The following ZNF775 variants were observed in gnomAD, a reference collection of about 807,000 sequenced individuals.
The protein encoded by ZNF775 is zinc finger protein 775.
A neutral mutation model predicts 2.4 loss-of-function variants in ZNF775; 1 was observed. The ratio of observed to expected loss-of-function variants is 0.41; its 90% CI spans 0.15 to 1.94. The LOEUF (loss-of-function observed/expected upper bound fraction) is 1.94, where lower values mean the gene tolerates loss of function less well. Ranked by LOEUF, ZNF775 falls within the 30% of genes most tolerant of loss-of-function variation. The pLI, the probability that ZNF775 is intolerant of heterozygous loss-of-function variation, is 0.30. For missense variants in ZNF775, 823 were observed against 826.6 expected (o/e 1.00, Z 0.05); for synonymous variants, 381 against 373.3 (o/e 1.02, Z -0.24).
chr7:150,389,699 G>A (rs1021561670), intron 2 of ZNF775, among the ~76,000 whole-genome samples: 2 of 152,180 alleles, frequency 1.3e-5, no homozygotes. Flanking sequence ...GAACCCTGTG[G>A]TTTTAGAGAA....
intron 1 of ZNF775, among the ~76,000 whole-genome samples, chr7:150,383,487 G>A (rs1196588269): frequency 6.6e-6 from 1 of 152,214 alleles, no homozygotes; most frequent in African/African-American, 2.4e-5. Context: ...TAGCAGTCAG[G>A]TATGGGCTGC....
Position 150,398,058 on chromosome 7 carries a change from C to T in ZNF775, c.1577C>T (p.Ala526Val), listed in dbSNP as rs1467598150. ...CTCAAGCACCAGCGCGTGCACCGCG[C>T]GGCCCCTGCGTGCAGCCCCAAGGAG... ...HLLKHQRVHR[A>V]APACSPKEEA... The change falls in exon 3 of 3, where the codon GCG becomes GTG. Residue 526 changes from alanine to valine, a missense_variant. Ala to Val is a moderately conservative substitution (Grantham distance 64, BLOSUM62 0). Coordinates refer to ENST00000329630, the MANE Select transcript of ZNF775 (RefSeq NM_173680.4). 2 of 1,564,182 alleles carry T rather than the reference C, an allele frequency of 1.3e-6. No homozygotes were observed. The highest frequency in any genetic ancestry group is 1.3e-5 in the African/African-American group (1 of 74,106).
intron 2 of ZNF775, among the ~76,000 whole-genome samples, chr7:150,389,230 G>A (rs912495845): frequency 1.3e-5 from 2 of 152,198 alleles, no homozygotes; most frequent in Admixed American, 6.5e-5. Context: ...GGCACAGTGT[G>A]ACTCGGGTTT....
Position 150,396,990 on chromosome 7 carries a change from G to A in ZNF775, c.509G>A (p.Arg170Gln). The A allele has an allele frequency of 6.3e-7, 1 of 1,598,952 alleles. No homozygotes were observed. Among genetic ancestry groups the A allele is most frequent in the Non-Finnish European group, 8.5e-7 (1 of 1,178,886 alleles). ...CCCTTCTGCTGCCCCGAGTGCGCGC[G>A]GCGCTTCAGCCAGAAGCAGCACCTG... ...ERPFCCPECA[R>Q]RFSQKQHLLK... is the part of the protein sequence containing the mutation. The change falls in exon 3 of 3, where the codon CGG becomes CAG. Residue 170 changes from arginine (R) to glutamine (Q), a missense_variant. By Grantham distance (43) the Arg-to-Gln change is conservative. Coordinates refer to ENST00000329630, the MANE Select transcript of ZNF775 (RefSeq NM_173680.4).
chr7:150,386,980 G>A (rs1369697591), intron 1 of ZNF775, among the ~76,000 whole-genome samples: 2 of 152,134 alleles, frequency 1.3e-5, no homozygotes, highest in African/African-American at 4.8e-5. Context: ...AACGGGAGGT[G>A]GAGTTAGGCT....
In ZNF775 at chr7:150,397,649, G is replaced by A. The variant is rs1183468085; in HGVS notation, c.1168G>A (p.Val390Ile). ...ALRAHQRAHA[V>I]AEPAVPAGEP... The stretch of plus-strand genomic sequence containing the variant: ...GCGCGCCCACCAGCGCGCCCACGCT[G>A]TCGCTGAGCCCGCCGTTCCGGCCGG... Residue 390 changes from valine (V) to isoleucine (I), a missense_variant, in exon 3 of 3, where the codon GTC becomes ATC. Physicochemically the swap from Val to Ile is conservative, Grantham distance 29 (BLOSUM62 3). Coordinates refer to ENST00000329630, the MANE Select transcript of ZNF775 (RefSeq NM_173680.4). 5 of 1,323,710 alleles carry A rather than the reference G, an allele frequency of 3.8e-6. No homozygotes were observed. The African/African-American group carries it at 4.8e-5, about 13-fold the overall frequency. The allele number at this position is 1,323,710 out of a possible 1,614,324, so 82.0% of individuals were successfully genotyped here. A position where few individuals can be genotyped will look rare whatever the true frequency, so the allele number is the denominator to read the frequency against.
In ZNF775 at chr7:150,396,587, C is replaced by T. The variant is rs774103870; in HGVS notation, c.106C>T (p.Leu36Phe). Residue 36 changes from leucine to phenylalanine, a missense_variant, in exon 3 of 3, where the codon CTT (leucine) becomes TTT (phenylalanine). Physicochemically the swap from Leu to Phe is conservative, Grantham distance 22 (BLOSUM62 0). Transcript: ENST00000329630. ...GCAGACGCTGGCGCCGCAGGCCATG[C>T]TTGTGGAGAAGGACAAGGAGAACAT... ...LLQTLAPQAM[L>F]VEKDKENIFQ... 1.9e-6 allele frequency: 3 copies of T among 1,609,608 alleles called. No individual in the cohort carries two copies. The highest frequency in any genetic ancestry group is 2.5e-6 in the Non-Finnish European group (3 of 1,179,002).
Position 150,398,202 on chromosome 7 carries a change from G to A in ZNF775, c.*107G>A. Reference sequence around the variant, plus strand: ...TGGCTCTTAGAACCCCTTAGAGCGGGACCGGTGGATTCCTTAAGGCTCTGA... The same window carrying A: ...TGGCTCTTAGAACCCCTTAGAGCGGAACCGGTGGATTCCTTAAGGCTCTGA... On this transcript the variant is annotated 3_prime_UTR_variant, in exon 3 of 3. Coordinates refer to ENST00000329630, the MANE Select transcript of ZNF775 (RefSeq NM_173680.4). The A allele has an allele frequency of 6.8e-7, 1 of 1,466,788 alleles. No homozygotes were observed. The highest frequency in any genetic ancestry group is 2.5e-5 in the East Asian group (1 of 40,226). The allele number at this position is 1,466,788 out of a possible 1,614,324, so 90.9% of individuals were successfully genotyped here. A position where few individuals can be genotyped will look rare whatever the true frequency, so the allele number is the denominator to read the frequency against.
rs1434094118 is a variant in ZNF775 at position 150,396,643 on chromosome 7, C to T, written c.162C>T (p.Arg54=). 13 of 1,611,810 alleles carry T rather than the reference C, an allele frequency of 8.1e-6. No homozygotes were observed. The Admixed American group carries it at 1.8e-4, about 23-fold the overall frequency. Residue 54 remains arginine, a synonymous_variant, in exon 3 of 3, where the codon CGC becomes CGT. Coordinates refer to ENST00000329630, the MANE Select transcript of ZNF775 (RefSeq NM_173680.4). ...IFQQHRGLPP[R]QTMGRPRALG... The stretch of plus-strand genomic sequence containing the variant: ...AGCAGCACCGGGGCCTCCCGCCACG[C>T]CAGACCATGGGGCGGCCTCGAGCCC...
intron 1 of ZNF775, among the ~76,000 whole-genome samples, chr7:150,381,076 C>A (rs1444291643): frequency 1.3e-5 from 2 of 152,162 alleles, no homozygotes; most frequent in Non-Finnish European, 2.9e-5. Context: ...CCTCGGCCTT[C>A]AGCTCAGATG....
At chr7:150,381,215 A>G (rs1396395591) in intron 1 of ZNF775, among the ~76,000 whole-genome samples, 1 of 152,110 alleles carries the variant, frequency 6.6e-6, no homozygotes, top group East Asian at 1.9e-4. Flanking sequence ...TGGGTGGGAC[A>G]GTTCCAGCAA....
rs763263111 is a variant in ZNF775, at chr7:150,397,870, C to T, written c.1389C>T (p.Ile463=). 1 of 1,603,572 alleles carries T rather than the reference C, an allele frequency of 6.2e-7. No homozygotes were observed. The highest frequency in any genetic ancestry group is 1.7e-5 in the Admixed American group (1 of 59,782). ...TCTCGTGGTGGTCGGCGCTCACCAT[C>T]CACCAGCGCATCCACACGGGTGAGC... ...KSFSWWSALT[I]HQRIHTGERP... Residue 463 remains isoleucine, a synonymous_variant, in exon 3 of 3, where the codon ATC becomes ATT. Transcript: ENST00000329630.
In ZNF775 at chr7:150,384,107, G is replaced by A. The variant is rs1312044255; in HGVS notation, c.-49-4315G>A. On this transcript the variant is annotated intron_variant, in intron 1 of 2. Transcript: ENST00000329630. This position sits in a 1 kb window ranked among gnomAD's most constrained non-coding sequence, Gnocchi z 4.1. ...CCAGGCTGAGGCCTGCCCACTGTGA[G>A]GCTCTTAACTGAACTGCAGCCTGAC... Among the ~76,000 whole-genome samples, 3 of 152,206 alleles carry A rather than the reference G, an allele frequency of 2.0e-5. No homozygotes were observed. The highest frequency in any genetic ancestry group is 4.4e-5 in the Non-Finnish European group (3 of 68,030).
Position 150,397,656 on chromosome 7 carries a change from A to C in ZNF775, c.1175A>C (p.Glu392Ala). The C allele has an allele frequency of 7.6e-7, 1 of 1,320,400 alleles. No individual in the cohort carries two copies. The highest frequency in any genetic ancestry group is 9.6e-7 in the Non-Finnish European group (1 of 1,040,350). The allele number at this position is 1,320,400 out of a possible 1,614,324, so 81.8% of individuals were successfully genotyped here. A position where few individuals can be genotyped will look rare whatever the true frequency, so the allele number is the denominator to read the frequency against. Residue 392 changes from glutamate to alanine, a missense_variant, in exon 3 of 3, where the codon GAG (glutamate) becomes GCG (alanine). Transcript: ENST00000329630. ...CACCAGCGCGCCCACGCTGTCGCTG[A>C]GCCCGCCGTTCCGGCCGGGGAACCG... ...RAHQRAHAVA[E>A]PAVPAGEPGD...
At chr7:150,383,119 A>G (rs1042326431) in intron 1 of ZNF775, among the ~76,000 whole-genome samples, 1 of 152,122 alleles carries the variant, frequency 6.6e-6, no homozygotes, top group African/African-American at 2.4e-5. Context: ...TTGTTTACTT[A>G]GCTGTATTTA....
chr7:150,386,467 G>C (rs1800455730), intron 1 of ZNF775, among the ~76,000 whole-genome samples: 1 of 152,148 alleles, frequency 6.6e-6, no homozygotes, highest in South Asian at 2.1e-4. Context: ...TCTCTTGTCA[G>C]GGTCCAGATT....
intron 1 of ZNF775, among the ~76,000 whole-genome samples, chr7:150,385,534 A>T (rs1482063675): frequency 6.7e-6 from 1 of 149,608 alleles, no homozygotes; most frequent in African/African-American, 2.5e-5. Context: ...GACTGCAAAG[A>T]CGGGAGCTCT....
chr7:150,384,537 T>C lies in ZNF775; in HGVS notation c.-49-3885T>C, dbSNP rs1800418586. On this transcript the variant is annotated intron_variant, in intron 1 of 2. Coordinates refer to ENST00000329630, the MANE Select transcript of ZNF775 (RefSeq NM_173680.4). This position sits in a 1 kb window ranked among gnomAD's most constrained non-coding sequence, Gnocchi z 4.1. ...ATGACACATGGAGGGCTTTCCTGGA[T>C]TTTGTCTGTAGGACACCTGCTGTGC... 6.6e-6 allele frequency among the ~76,000 whole-genome samples: 1 copy of C among 152,200 alleles called. No homozygotes were observed. Among genetic ancestry groups the C allele is most frequent in the South Asian group, 2.1e-4 (1 of 4,836 alleles).
chr7:150,391,871 C>G (rs1350668941), intron 2 of ZNF775, among the ~76,000 whole-genome samples: 1 of 151,794 alleles, frequency 6.6e-6, no homozygotes, highest in East Asian at 1.9e-4. Context: ...GCTACCACAC[C>G]CGGCTAATTG....
Sources: gnomAD v4.1 joint callset for allele counts (sites outside exome capture counted in the v4.1 genomes callset) on GRCh38, gnomAD v4.1.1 for gene constraint, Gnocchi (gnomAD v3.1) non-coding constraint, MANE v1.5 for transcripts, NCBI Gene and HGNC (gene_info 2026-07-23, HGNC 2026-07-21) for gene names.